Variants in NFASC observed in about 807,000 individuals in gnomAD.
NFASC encodes the protein neurofascin, also known as neurofascin homolog.
Under a neutral mutation model 147.5 loss-of-function variants are expected in NFASC, and 43 were observed. The observed-to-expected ratio is 0.29, with a 90% confidence interval of 0.23 to 0.38. The LOEUF is 0.38. NFASC is among the 10% of genes least tolerant of loss of function. NFASC has a pLI of 1.00. For missense variants in NFASC, 1,320 were observed against 1,689.0 expected (o/e 0.78, Z 3.83); for synonymous variants, 622 against 665.5 (o/e 0.93, Z 1.01).
chr1:204,934,181 C>A (rs1459047626), intron 2 of NFASC, among the ~76,000 whole-genome samples: 1 of 148,570 alleles, frequency 6.7e-6, no homozygotes, highest in Non-Finnish European at 1.5e-5. Context: ...GAAGATGTTT[C>A]TCTGCTGAGG....
Position 204,986,126 on chromosome 1 carries a change from C to T in NFASC, c.2471-1292C>T. 1 of 1,603,978 alleles carries T rather than the reference C, an allele frequency of 6.2e-7. No homozygotes were observed. Among genetic ancestry groups the T allele is most frequent in the South Asian group, 1.1e-5 (1 of 90,876 alleles). On this transcript the variant is annotated intron_variant, in intron 21 of 29. Coordinates refer to ENST00000339876, the MANE Select transcript of NFASC (RefSeq NM_001005388.3). The surrounding 1 kb of genome is among the most constrained non-coding windows in gnomAD (Gnocchi z 4.2). ...CACCCCGGAAGGAGGTAGGTCTGGCCTGCAGCTCTTCAGGGTGGGGCAGGA... is the reference window on the plus strand; with the variant it reads ...CACCCCGGAAGGAGGTAGGTCTGGCTTGCAGCTCTTCAGGGTGGGGCAGGA...
chr1:204,973,494 G>T (rs887479141), intron 12 of NFASC, 75 bp downstream of exon 12: 3 of 1,546,334 alleles, frequency 1.9e-6, no homozygotes, highest in African/African-American at 1.4e-5. Flanking sequence ...TGGTTATGTC[G>T]TGGGGCACAC....
intron 8 of NFASC, 57 bp downstream of exon 8, chr1:204,957,883 C>T: frequency 6.5e-7 from 1 of 1,540,978 alleles, no homozygotes. Flanking sequence ...CCACTGATCC[C>T]ACCCAGCCCT....
chr1:204,947,032 CA>C, intron 3 of NFASC: 1 of 344,036 alleles, frequency 2.9e-6, no homozygotes, highest in Non-Finnish European at 5.8e-6. Context: ...CAGTGATAGC[CA>C]CCCTGGAGGA....
At chr1:204,959,490 C>T (rs1392810777) in intron 8 of NFASC, among the ~76,000 whole-genome samples, 1 of 152,218 alleles carries the variant, frequency 6.6e-6, no homozygotes, top group East Asian at 1.9e-4. Context: ...GTAGTCTGCC[C>T]AGGACCTCGG....
chr1:204,993,850 A>C, intron 24 of NFASC: 1 of 498,890 alleles, frequency 2.0e-6, no homozygotes, highest in Non-Finnish European at 4.0e-6. Context: ...CCTCCACCTC[A>C]GCCCCAGGGG....
intron 1 of NFASC, chr1:204,870,664 C>T: frequency 9.3e-7 from 1 of 1,077,918 alleles, no homozygotes; most frequent in Non-Finnish European, 1.1e-6. Context: ...GAGGGAGACC[C>T]AGCGGTGAGC....
intron 20 of NFASC, among the ~76,000 whole-genome samples, chr1:204,981,359 A>G (rs578022167): frequency 6.6e-6 from 1 of 152,404 alleles, no homozygotes; most frequent in African/African-American, 2.4e-5. Flanking sequence ...CAAATTCGGT[A>G]GAACTAAAGT....
Position 204,952,184 on chromosome 1 carries a change from C to T in NFASC, c.215+68C>T, listed in dbSNP as rs113463555. 52,395 of 1,205,690 alleles carry T rather than the reference C, an allele frequency of 0.043. 1,315 individuals carry two copies. Among genetic ancestry groups the T allele is most frequent in the Admixed American group, 0.099 (5,252 of 53,250 alleles). 74.7% of individuals were successfully genotyped at this position (1,205,690 alleles called of 1,614,324 possible). On this transcript the variant is annotated intron_variant, in intron 5 of 29. Transcript: ENST00000339876. Reference sequence around the variant, plus strand: ...CCTCTGGGCCTGATGATAACTAAGGCAAATGAGGCAGCAGGAAAATTGGAC... The same window carrying T: ...CCTCTGGGCCTGATGATAACTAAGGTAAATGAGGCAGCAGGAAAATTGGAC...
At chr1:204,842,742 G>T (rs1675721923) in intron 1 of NFASC, among the ~76,000 whole-genome samples, 1 of 152,226 alleles carries the variant, frequency 6.6e-6, no homozygotes, top group African/African-American at 2.4e-5. Flanking sequence ...AAGCCTAGTG[G>T]GCTCCTGGGA....
At chr1:204,879,649 C>T (rs778205059) in intron 1 of NFASC, among the ~76,000 whole-genome samples, 1 of 152,120 alleles carries the variant, frequency 6.6e-6, no homozygotes, top group Non-Finnish European at 1.5e-5. Flanking sequence ...TTATAGAGGA[C>T]TGTGGGATTT....
intron 1 of NFASC, among the ~76,000 whole-genome samples, chr1:204,877,076 ATATAAT>A (rs2079146951): frequency 1.8e-5 from 2 of 110,966 alleles, no homozygotes; most frequent in African/African-American, 8.1e-5. Flanking sequence ...ATTTATATAT[ATATAAT>A]ATATTTATTT....
intron 1 of NFASC, among the ~76,000 whole-genome samples, chr1:204,855,343 G>T (rs1414610466): frequency 3.3e-5 from 5 of 152,246 alleles, no homozygotes; most frequent in Non-Finnish European, 7.3e-5. Flanking sequence ...TTGAGAAGGA[G>T]AAAGGCCACT....
At chr1:204,894,048 T>C (rs2082930808) in intron 1 of NFASC, among the ~76,000 whole-genome samples, 1 of 152,268 alleles carries the variant, frequency 6.6e-6, no homozygotes. Context: ...CTGGCCACTT[T>C]GGAATCTTCA....
In NFASC at chr1:205,017,029, G is replaced by T. The variant is rs1201245647; in HGVS notation, c.*490G>T. ...AGGAGAATCCTTTTTGCAAAGATAG[G>T]CAAAAAGGATTGAATCCATACCAGA... On this transcript the variant is annotated 3_prime_UTR_variant, in exon 30 of 30. Coordinates refer to ENST00000339876, the MANE Select transcript of NFASC (RefSeq NM_001005388.3). 3.4e-5 allele frequency: 9 copies of T among 266,142 alleles called. No individual in the cohort carries two copies. Among genetic ancestry groups the T allele is most frequent in the Non-Finnish European group, 6.0e-5 (8 of 134,314 alleles). 16.5% of individuals were successfully genotyped at this position (266,142 alleles called of 1,614,324 possible).
chr1:204,855,768 A>G (rs2076101914), intron 1 of NFASC, among the ~76,000 whole-genome samples: 1 of 152,142 alleles, frequency 6.6e-6, no homozygotes, highest in Admixed American at 6.6e-5. Context: ...TAGAAGCAGG[A>G]GTTTTAGACC....
chr1:204,951,908 C>T, intron 4 of NFASC, 103 bp from the exon 5 acceptor site: 1 of 862,636 alleles, frequency 1.2e-6, no homozygotes, highest in Non-Finnish European at 1.9e-6. Context: ...CACTTGCCTG[C>T]TTGCATGTGT....
intron 24 of NFASC, among the ~76,000 whole-genome samples, chr1:204,995,580 C>A (rs2095830793): frequency 1.3e-5 from 2 of 151,996 alleles, no homozygotes; most frequent in South Asian, 2.1e-4. Flanking sequence ...TGCCCAGGAA[C>A]CTCTGGAACG....
chr1:204,843,906 A>G (rs1268907106), intron 1 of NFASC, among the ~76,000 whole-genome samples: 2 of 151,874 alleles, frequency 1.3e-5, no homozygotes, highest in Admixed American at 6.6e-5. Flanking sequence ...ATTAGTAGAT[A>G]CGGGGGTTTT....
Sources: allele counts gnomAD v4.1 joint callset (sites outside exome capture counted in the v4.1 genomes callset), GRCh38; gene constraint gnomAD v4.1.1; non-coding constraint Gnocchi (gnomAD v3.1); transcripts MANE v1.5; gene names NCBI Gene and HGNC (gene_info 2026-07-23, HGNC 2026-07-21).